The following MAGI1 variants were observed in gnomAD, a reference collection of about 807,000 sequenced individuals.
The protein encoded by MAGI1 is membrane associated guanylate kinase, WW and PDZ domain containing 1.
Under a neutral mutation model 139.9 loss-of-function variants are expected in MAGI1, and 58 were observed. That is an observed-to-expected ratio of 0.41 (90% CI 0.34 to 0.52). MAGI1 has a LOEUF of 0.52. Ranked by LOEUF, MAGI1 falls within the 20% of genes least tolerant of loss-of-function variation. The pLI is 0.12. For missense variants in MAGI1, 1,874 were observed against 1,901.6 expected, an observed-to-expected ratio of 0.99 and a Z score of 0.27; for synonymous variants, 812 against 737.9, an observed-to-expected ratio of 1.10 and a Z score of -1.63.
chr3:65,965,287 G>A (rs1373957631), intron 1 of MAGI1, among the ~76,000 whole-genome samples: 1 of 152,114 alleles, frequency 6.6e-6, no homozygotes, highest in Non-Finnish European at 1.5e-5. Flanking sequence ...TGCCACATAT[G>A]GGTACCACTT....
chr3:66,023,091 G>C (rs970300996), intron 1 of MAGI1, among the ~76,000 whole-genome samples: 2 of 152,192 alleles, frequency 1.3e-5, no homozygotes, highest in African/African-American at 4.8e-5. Context: ...CCACAATGAA[G>C]GAAGTGGATC....
At chr3:65,417,486 A>G (rs1190364614) in intron 12 of MAGI1, among the ~76,000 whole-genome samples, 3 of 152,016 alleles carry the variant, frequency 2.0e-5, no homozygotes, top group South Asian at 4.2e-4. Context: ...CTCCAAAGTT[A>G]AGGGGGGAAA....
At chr3:65,558,398 T>C (rs2080188675) in intron 2 of MAGI1, among the ~76,000 whole-genome samples, 2 of 152,140 alleles carry the variant, frequency 1.3e-5, no homozygotes, top group Admixed American at 6.5e-5. Flanking sequence ...CAATGTTTAA[T>C]CAAAGCTGAT....
chr3:65,360,276 A>C, intron 22 of MAGI1: 1 of 985,330 alleles, frequency 1.0e-6, no homozygotes, highest in Non-Finnish European at 1.2e-6. Context: ...GGGACCATTC[A>C]ATCACAGTTT....
chr3:65,819,703 C>G (rs1413451755), intron 1 of MAGI1, among the ~76,000 whole-genome samples: 1 of 151,314 alleles, frequency 6.6e-6, no homozygotes, highest in Non-Finnish European at 1.5e-5. Flanking sequence ...ATAGTGAAAC[C>G]TAGTCTTTAC....
rs185272996 is a variant in MAGI1 at position 66,007,273 on chromosome 3, T to A, written c.313+30723A>T. ...CCTCGGTAGAACTTTATCAGTTCTA[T>A]CTCATTGTCTCCTTTAAGCCCCACG... is the stretch of plus-strand genomic sequence containing the variant. On this transcript the variant is annotated intron_variant, in intron 1 of 22. Transcript: ENST00000402939. Among the ~76,000 whole-genome samples, 24 of 152,326 alleles carry A rather than the reference T, an allele frequency of 1.6e-4. No homozygotes were observed. In the East Asian group the frequency reaches 4.3e-3, roughly 27 times the overall value.
chr3:65,707,857 A>G (rs1406853232), intron 1 of MAGI1, among the ~76,000 whole-genome samples: 3 of 152,204 alleles, frequency 2.0e-5, no homozygotes, highest in Admixed American at 1.3e-4. Context: ...CAGAGAGGAA[A>G]GCAAGCCAAT....
At chr3:65,421,172 C>CA (rs1946610335) in intron 12 of MAGI1, among the ~76,000 whole-genome samples, 1 of 152,170 alleles carries the variant, frequency 6.6e-6, no homozygotes, top group South Asian at 2.1e-4. Flanking sequence ...TGTCACTCTA[C>CA]AAAGAATTCT....
At chr3:65,520,344 A>G (rs2078096241) in intron 2 of MAGI1, among the ~76,000 whole-genome samples, 1 of 152,224 alleles carries the variant, frequency 6.6e-6, no homozygotes, top group Admixed American at 6.5e-5. Context: ...AGATCCTTCA[A>G]TAATATGGTT....
chr3:65,923,168 G>A (rs553072595), intron 1 of MAGI1, among the ~76,000 whole-genome samples: 5 of 151,048 alleles, frequency 3.3e-5, no homozygotes, highest in South Asian at 2.1e-4. Flanking sequence ...TATCCATTCC[G>A]TATGTATCCA....
At chr3:65,878,074 G>A (rs745904018) in intron 1 of MAGI1, among the ~76,000 whole-genome samples, 1 of 151,748 alleles carries the variant, frequency 6.6e-6, no homozygotes. Flanking sequence ...TCACACCACT[G>A]CACTCCAGCC....
intron 1 of MAGI1, among the ~76,000 whole-genome samples, chr3:66,029,322 C>T (rs1392340309): frequency 6.6e-6 from 1 of 152,058 alleles, no homozygotes; most frequent in Non-Finnish European, 1.5e-5. Context: ...ACCATCATGC[C>T]CCTGTCCATA....
At chr3:65,726,975 A>T (rs980983092) in intron 1 of MAGI1, among the ~76,000 whole-genome samples, 2 of 149,946 alleles carry the variant, frequency 1.3e-5, no homozygotes, top group Non-Finnish European at 3.0e-5. Context: ...AAAAAAAAAA[A>T]TCCAAAATCT....
At chr3:65,812,203 T>C (rs556480072) in intron 1 of MAGI1, among the ~76,000 whole-genome samples, 4 of 152,020 alleles carry the variant, frequency 2.6e-5, no homozygotes, top group Non-Finnish European at 4.4e-5. Flanking sequence ...AAGAATAATA[T>C]ACCACCAACC....
At chr3:65,467,332 T>A (rs955802048) in intron 5 of MAGI1, among the ~76,000 whole-genome samples, 2 of 152,216 alleles carry the variant, frequency 1.3e-5, no homozygotes, top group Non-Finnish European at 2.9e-5. Flanking sequence ...ACAAGGTAGA[T>A]CTGGTTCTAA....
At chr3:65,898,843 A>G (rs2061092917) in intron 1 of MAGI1, among the ~76,000 whole-genome samples, 1 of 152,232 alleles carries the variant, frequency 6.6e-6, no homozygotes, top group South Asian at 2.1e-4. Flanking sequence ...TTTTCAAAAT[A>G]TCATATGTAC....
At chr3:65,808,083 T>A (rs143508276) in intron 1 of MAGI1, among the ~76,000 whole-genome samples, 5,593 of 151,848 alleles carry the variant, frequency 0.037, 344 homozygotes, top group African/African-American at 0.13. Context: ...CCTCCCAGAT[T>A]CAAGCAATTC....
intron 1 of MAGI1, among the ~76,000 whole-genome samples, chr3:65,889,922 T>C (rs2060676007): frequency 6.6e-6 from 1 of 152,214 alleles, no homozygotes; most frequent in Non-Finnish European, 1.5e-5. Flanking sequence ...TGTATGAAGA[T>C]GGTCACTGCA....
chr3:65,803,389 T>C (rs2040638602), intron 1 of MAGI1, among the ~76,000 whole-genome samples: 1 of 152,168 alleles, frequency 6.6e-6, no homozygotes. Flanking sequence ...TTCCTTTACA[T>C]GCTTACTGAC....
Sources: gnomAD v4.1 joint callset for allele counts (sites outside exome capture counted in the v4.1 genomes callset) on GRCh38, gnomAD v4.1.1 for gene constraint, MANE v1.5 for transcripts, NCBI Gene and HGNC (gene_info 2026-07-23, HGNC 2026-07-21) for gene names.